DCC: variants seen among roughly 807,000 people sequenced by gnomAD.
The protein encoded by DCC is netrin receptor DCC.
DCC carries 58 observed loss-of-function variants against 172.5 expected under a neutral mutation model. That is an observed-to-expected ratio of 0.34 (90% confidence interval 0.27 to 0.42). The LOEUF (loss-of-function observed/expected upper bound fraction) is 0.42. Among genes scored for constraint, DCC ranks in the 10% least tolerant of loss-of-function variants. The pLI, the probability that DCC is intolerant of heterozygous loss-of-function variation, is 1.00. For missense variants in DCC, 1,740 were observed against 1,791.0 expected, an observed-to-expected ratio of 0.97 and a Z score of 0.51; for synonymous variants, 709 against 644.5, an observed-to-expected ratio of 1.10 and a Z score of -1.52.
chr18:52,407,898 C>A (rs552983124), intron 1 of DCC, among the ~76,000 whole-genome samples: 6 of 152,116 alleles, frequency 3.9e-5, no homozygotes, highest in African/African-American at 1.2e-4. Context: ...ATGAGATAAT[C>A]AAAAAATTCC....
intron 1 of DCC, among the ~76,000 whole-genome samples, chr18:52,641,631 T>C (rs2034892624): frequency 6.6e-6 from 1 of 152,064 alleles, no homozygotes; most frequent in Admixed American, 6.6e-5. Context: ...CTGTCACTAA[T>C]GATCAGGGAA....
At chr18:52,968,138 G>A (rs1224747223) in intron 5 of DCC, among the ~76,000 whole-genome samples, 3 of 152,038 alleles carry the variant, frequency 2.0e-5, no homozygotes, top group African/African-American at 7.2e-5. Context: ...ATTTAATAAC[G>A]CAAAGTTCCA....
chr18:53,044,439 TA>T (rs34570968), intron 5 of DCC, among the ~76,000 whole-genome samples: 41,641 of 151,568 alleles, frequency 0.27, 6,247 homozygotes, highest in African/African-American at 0.39. Flanking sequence ...TTGCTGCTGA[TA>T]TATATGAACT....
At chr18:52,791,645 T>C (rs999904769) in intron 2 of DCC, among the ~76,000 whole-genome samples, 2 of 152,112 alleles carry the variant, frequency 1.3e-5, no homozygotes, top group Admixed American at 6.5e-5. Flanking sequence ...CCTGGACTTG[T>C]GTAACCTGCC....
At chr18:52,375,079 TC>T (rs1985289734) in intron 1 of DCC, among the ~76,000 whole-genome samples, 1 of 152,184 alleles carries the variant, frequency 6.6e-6, no homozygotes, top group African/African-American at 2.4e-5. Context: ...GTCTTCTTGA[TC>T]CCCCTTTGTG....
intron 15 of DCC, among the ~76,000 whole-genome samples, chr18:53,351,318 C>CTG (rs2057794499): frequency 6.9e-5 from 1 of 14,580 alleles, no homozygotes; most frequent in Admixed American, 1.4e-3. Flanking sequence ...TATATATACA[C>CTG]TGTATATATA....
At position 53,435,134 on chromosome 18, in the gene DCC, C is replaced by T. The variant is rs781741207; in HGVS notation, c.3164-10C>T. 1 of 1,603,566 alleles carries T rather than the reference C, an allele frequency of 6.2e-7. No homozygotes were observed. Among genetic ancestry groups the T allele is most frequent in the Non-Finnish European group, 8.5e-7 (1 of 1,170,598 alleles). ...GTACTGACATTGTGACATGCTCTCC[C>T]AATGAACAGGTCGTCATGGAGATGG... On this transcript the variant is annotated splice_polypyrimidine_tract_variant and intron_variant, in intron 21 of 28. Transcript: ENST00000442544.
chr18:52,765,491 C>T (rs117681488), intron 2 of DCC, among the ~76,000 whole-genome samples: 1,764 of 152,266 alleles, frequency 0.012, 27 homozygotes, highest in Non-Finnish European at 0.017. Flanking sequence ...GCCTTTTCTT[C>T]CTCAGACTCA....
intron 7 of DCC, among the ~76,000 whole-genome samples, chr18:53,105,932 C>T (rs2144233738): frequency 6.6e-6 from 1 of 151,316 alleles, no homozygotes; most frequent in African/African-American, 2.4e-5. Context: ...TGTCTGTTCG[C>T]CTTCTTTCAC....
chr18:53,193,802 A>T (rs571466371), intron 9 of DCC, among the ~76,000 whole-genome samples: 2 of 152,202 alleles, frequency 1.3e-5, no homozygotes, highest in African/African-American at 4.8e-5. Context: ...AAAGCCTTGA[A>T]ATAGATAAAC....
chr18:53,311,165 A>G (rs1338361836), intron 13 of DCC, among the ~76,000 whole-genome samples: 4 of 151,522 alleles, frequency 2.6e-5, no homozygotes, highest in Non-Finnish European at 5.9e-5. Flanking sequence ...CTTATTGCCC[A>G]GACTGGAGTG....
chr18:52,907,313 TA>T (rs1181853480), intron 3 of DCC, among the ~76,000 whole-genome samples: 2 of 48,252 alleles, frequency 4.1e-5, no homozygotes, highest in African/African-American at 5.6e-5. Flanking sequence ...TATACATATG[TA>T]TATGTATATA....
intron 1 of DCC, among the ~76,000 whole-genome samples, chr18:52,689,711 T>C (rs1292202231): frequency 6.6e-6 from 1 of 152,106 alleles, no homozygotes; most frequent in Non-Finnish European, 1.5e-5. Flanking sequence ...GCTATCTGAT[T>C]TCAGTGAGCA....
intron 2 of DCC, among the ~76,000 whole-genome samples, chr18:52,795,490 G>T (rs2037857454): frequency 1.3e-5 from 2 of 151,784 alleles, no homozygotes; most frequent in South Asian, 4.2e-4. Flanking sequence ...ACTTATGTGG[G>T]TCTTCTCTTT....
At chr18:53,169,507 G>A (rs1323048257) in intron 8 of DCC, among the ~76,000 whole-genome samples, 4 of 152,038 alleles carry the variant, frequency 2.6e-5, no homozygotes, top group African/African-American at 7.2e-5. Flanking sequence ...TACTTCAATC[G>A]ACTTATCCTG....
At position 52,927,088 on chromosome 18, in the gene DCC, C is replaced by T. The variant is rs1250076271; in HGVS notation, c.985+1718C>T. On this transcript the variant is annotated intron_variant, in intron 5 of 28. Coordinates refer to ENST00000442544, the MANE Select transcript of DCC (RefSeq NM_005215.4). ...ATACACACATATATGTGTATATACA[C>T]GTATATACGTGTATATACACGTATA... Among the ~76,000 whole-genome samples the T allele has an allele frequency of 1.5e-4, 12 of 79,884 alleles. 2 individuals carry two copies. In the South Asian group the frequency reaches 1.8e-3, roughly 12 times the overall value. The allele number at this position is 79,884 out of a possible 152,430, so 52.4% of individuals were successfully genotyped here.
intron 1 of DCC, among the ~76,000 whole-genome samples, chr18:52,354,981 CTA>C (rs1162976364): frequency 3.9e-5 from 6 of 152,110 alleles, no homozygotes; most frequent in Non-Finnish European, 8.8e-5. Context: ...ATAGAATTTG[CTA>C]TCTCTTTAAG....
In DCC at chr18:52,487,688, G is replaced by A. The variant is rs1216583907; in HGVS notation, c.91+146810G>A. 2.0e-5 allele frequency among the ~76,000 whole-genome samples: 3 copies of A among 151,974 alleles called. No individual in the cohort carries two copies. In the East Asian group the frequency reaches 5.9e-4, roughly 30 times the overall value. ...TAGCCAGGTGTGCTGGTGTATGCCT[G>A]CAGTCCCAGCTACTGGGGAGGCTGA... is the stretch of plus-strand genomic sequence containing the variant. On this transcript the variant is annotated intron_variant, in intron 1 of 28. Coordinates refer to ENST00000442544, the MANE Select transcript of DCC (RefSeq NM_005215.4).
At chr18:53,267,902 A>G (rs1325448708) in intron 12 of DCC, among the ~76,000 whole-genome samples, 6 of 152,218 alleles carry the variant, frequency 3.9e-5, no homozygotes, top group Non-Finnish European at 7.3e-5. Context: ...CAAACCTGGT[A>G]CAGATTGATT....
Sources: allele counts gnomAD v4.1 joint callset (sites outside exome capture counted in the v4.1 genomes callset), GRCh38; gene constraint gnomAD v4.1.1; transcripts MANE v1.5; gene names NCBI Gene and HGNC (gene_info 2026-07-23, HGNC 2026-07-21).